DNAH6: variants seen among roughly 807,000 people sequenced by gnomAD.
DNAH6 encodes the protein dynein axonemal heavy chain 6.
A neutral mutation model predicts 491.4 loss-of-function variants in DNAH6; 340 were observed. The observed-to-expected ratio is 0.69, with a 90% CI of 0.63 to 0.76. The LOEUF is 0.76. DNAH6 is among the 30% of genes least tolerant of loss of function. The probability of loss-of-function intolerance (pLI) is 0.00; values close to 1 mark genes in which losing one functional copy is unlikely to be tolerated. For missense variants in DNAH6, 4,443 were observed against 4,972.2 expected (o/e 0.89, Z 3.20); for synonymous variants, 1,603 against 1,686.1 (o/e 0.95, Z 1.21).
intron 64 of DNAH6, among the ~76,000 whole-genome samples, chr2:84,771,659 A>G (rs1573760746): frequency 6.6e-6 from 1 of 152,250 alleles, no homozygotes; most frequent in Non-Finnish European, 1.5e-5. Flanking sequence ...GTCAGAGGCA[A>G]TGGAATGGCA....
chr2:84,522,482 T>C (rs1341847624), intron 2 of DNAH6, among the ~76,000 whole-genome samples: 3 of 152,170 alleles, frequency 2.0e-5, no homozygotes, highest in African/African-American at 7.2e-5. Context: ...TCTTGCCTGA[T>C]TGCTCTGGAC....
intron 12 of DNAH6, among the ~76,000 whole-genome samples, chr2:84,574,517 T>G (rs1682234320): frequency 6.6e-6 from 1 of 152,216 alleles, no homozygotes; most frequent in Non-Finnish European, 1.5e-5. Flanking sequence ...TCATTGTATC[T>G]GATTGTTATG....
In DNAH6 at chr2:84,745,250, G is replaced by A. The variant is rs1471119853; in HGVS notation, c.10512+1G>A. On this transcript the variant is annotated splice_donor_variant, in intron 63 of 76. Transcript: ENST00000389394. LOFTEE classifies it high-confidence loss of function. Reference sequence around the variant, plus strand: ...TATTAAATGTTGTAAAGAAGAAAAGGTAGGGCATTTTTTTAATTAAAGGAC... The same window carrying A: ...TATTAAATGTTGTAAAGAAGAAAAGATAGGGCATTTTTTTAATTAAAGGAC... 4.7e-6 allele frequency: 7 copies of A among 1,476,404 alleles called. No homozygotes were observed. The East Asian group carries it at 7.7e-5, about 16-fold the overall frequency. 91.5% of individuals were successfully genotyped at this position (1,476,404 alleles called of 1,614,324 possible).
At chr2:84,786,190 C>A (rs1452505040) in intron 67 of DNAH6, among the ~76,000 whole-genome samples, 1 of 152,022 alleles carries the variant, frequency 6.6e-6, no homozygotes, top group Non-Finnish European at 1.5e-5. Context: ...TTTTGGGAGG[C>A]CAACATGGGC....
At chr2:84,800,737 G>A (rs139170746) in intron 70 of DNAH6, among the ~76,000 whole-genome samples, 2 of 152,210 alleles carry the variant, frequency 1.3e-5, no homozygotes, top group South Asian at 2.1e-4. Context: ...AATGAGCAAA[G>A]GCTCTGAGAA....
chr2:84,763,989 C>G (rs1161170787), intron 64 of DNAH6, among the ~76,000 whole-genome samples: 1 of 152,132 alleles, frequency 6.6e-6, no homozygotes, highest in Non-Finnish European at 1.5e-5. Context: ...GAGAAGTTCT[C>G]TCTTATTCAG....
chr2:84,777,963 C>G (rs1676310997), intron 64 of DNAH6: 5 of 955,094 alleles, frequency 5.2e-6, no homozygotes. Flanking sequence ...CATGCCCAAG[C>G]AGTGATAATG....
In DNAH6 at chr2:84,604,381, A is replaced by G; in HGVS notation, c.2911A>G (p.Arg971Gly). Residue 971 changes from arginine (R) to glycine (G), a missense_variant, in exon 19 of 77, where the codon AGA becomes GGA. Coordinates refer to ENST00000389394, the MANE Select transcript of DNAH6 (RefSeq NM_001370.2). ...CTTGAGGAACCCGACTTTGAAGGCA[A>G]GACATTGGGCAGCTATTGAACAAAC... ...IDLRNPTLKA[R>G]HWAAIEQTVD... is the part of the protein sequence containing the mutation. 6.4e-7 allele frequency: 1 copy of G among 1,552,234 alleles called. No homozygotes were observed. The highest frequency in any genetic ancestry group is 8.7e-7 in the Non-Finnish European group (1 of 1,147,084).
chr2:84,491,263 T>C, the DNAH6 span, among the ~76,000 whole-genome samples: 263 of 152,358 alleles, frequency 1.7e-3, no homozygotes, highest in African/African-American at 6.0e-3. Context: ...GTTTCAACTA[T>C]ATTTTTAACA....
intron 70 of DNAH6, among the ~76,000 whole-genome samples, chr2:84,803,494 T>G (rs530150968): frequency 1.4e-4 from 22 of 152,062 alleles, no homozygotes; most frequent in African/African-American, 4.8e-4. Flanking sequence ...CAAAACATTT[T>G]TGAAACAAAA....
intron 33 of DNAH6, among the ~76,000 whole-genome samples, chr2:84,647,382 A>G (rs1442900057): frequency 6.6e-6 from 1 of 152,218 alleles, no homozygotes; most frequent in Non-Finnish European, 1.5e-5. Flanking sequence ...TTTAATGTAG[A>G]TAAAACAGCC....
the DNAH6 span, among the ~76,000 whole-genome samples, chr2:84,488,848 T>TGTAGG: frequency 3.3e-5 from 5 of 152,208 alleles, no homozygotes. Context: ...AAATTAGTGA[T>TGTAGG]GTAGGGCCAT....
intron 63 of DNAH6, among the ~76,000 whole-genome samples, chr2:84,751,894 G>A (rs575436581): frequency 1.6e-4 from 25 of 152,276 alleles, no homozygotes; most frequent in East Asian, 3.9e-4. Context: ...CTAATGCTGC[G>A]GATTTTGCAA....
intron 17 of DNAH6, among the ~76,000 whole-genome samples, chr2:84,594,957 A>G (rs989262216): frequency 1.3e-5 from 2 of 152,200 alleles, no homozygotes; most frequent in Admixed American, 6.5e-5. Context: ...TCATTTATCA[A>G]TTATCTCAGA....
intron 59 of DNAH6, among the ~76,000 whole-genome samples, chr2:84,721,911 G>A (rs1374744989): frequency 6.6e-6 from 1 of 152,186 alleles, no homozygotes; most frequent in Non-Finnish European, 1.5e-5. Context: ...AAAACAGTGG[G>A]GGAAGAGAGA....
At chr2:84,496,428 A>G in the DNAH6 span, among the ~76,000 whole-genome samples, 2 of 152,250 alleles carry the variant, frequency 1.3e-5, no homozygotes, top group African/African-American at 2.4e-5. Context: ...TTACAAAAAT[A>G]TAATCATGTT....
intron 69 of DNAH6, 42 bp downstream of exon 69, chr2:84,796,467 A>G: frequency 6.8e-7 from 1 of 1,462,186 alleles, no homozygotes; most frequent in Non-Finnish European, 9.1e-7. Flanking sequence ...CTTTCCCAAG[A>G]AGATGTTGAC....
the DNAH6 span, among the ~76,000 whole-genome samples, chr2:84,503,345 G>A: frequency 6.6e-5 from 10 of 152,008 alleles, no homozygotes; most frequent in Non-Finnish European, 1.3e-4. Context: ...TTATTGTACC[G>A]TGTCTTGAAA....
chr2:84,467,525 A>G, the DNAH6 span, among the ~76,000 whole-genome samples: 1 of 152,138 alleles, frequency 6.6e-6, no homozygotes, highest in Non-Finnish European at 1.5e-5. Flanking sequence ...CACATGTCCC[A>G]AGGCCGTACC....
Sources: allele counts gnomAD v4.1 joint callset (sites outside exome capture counted in the v4.1 genomes callset), GRCh38; gene constraint gnomAD v4.1.1; transcripts MANE v1.5; gene names NCBI Gene and HGNC (gene_info 2026-07-23, HGNC 2026-07-21).